LRRC40: variants seen among roughly 807,000 people sequenced by gnomAD.
LRRC40 encodes the protein leucine-rich repeat-containing protein 40.
LRRC40 carries 76 observed loss-of-function variants against 72.8 expected under a neutral mutation model. The observed-to-expected ratio is 1.04, with a 90% CI of 0.87 to 1.26. The LOEUF (loss-of-function observed/expected upper bound fraction) is 1.26, where lower values mean the gene tolerates loss of function less well. Among genes scored for constraint, LRRC40 ranks in the 50% most tolerant of loss-of-function variants. LRRC40 has a pLI of 0.00. For synonymous variants in LRRC40, 243 were observed against 254.2 expected (o/e 0.96, Z 0.42); for missense variants, 684 against 698.9 (o/e 0.98, Z 0.24).
At chr1:70,195,403 A>G (rs1417535314) in intron 1 of LRRC40, among the ~76,000 whole-genome samples, 1 of 152,020 alleles carries the variant, frequency 6.6e-6, no homozygotes, top group Non-Finnish European at 1.5e-5. Flanking sequence ...TGGAACAAAC[A>G]CTTAACAGAA....
At chr1:70,201,292 T>C (rs943735210) in intron 1 of LRRC40, among the ~76,000 whole-genome samples, 4 of 152,236 alleles carry the variant, frequency 2.6e-5, no homozygotes, top group Middle Eastern at 3.4e-3. Context: ...AAATACAACA[T>C]GCAAGGAATC....
At chr1:70,169,872 C>T (rs1404759017) in intron 9 of LRRC40, among the ~76,000 whole-genome samples, 3 of 152,114 alleles carry the variant, frequency 2.0e-5, no homozygotes, top group Admixed American at 2.0e-4. Context: ...AACAACTCTT[C>T]ATAAATTCAC....
chr1:70,173,119 T>C (rs1358691004), intron 9 of LRRC40, among the ~76,000 whole-genome samples: 1 of 152,070 alleles, frequency 6.6e-6, no homozygotes, highest in Admixed American at 6.6e-5. Context: ...TACTTGTCAA[T>C]ATACTTTCTA....
At chr1:70,157,764 C>A (rs1002537529) in intron 10 of LRRC40, among the ~76,000 whole-genome samples, 6 of 152,034 alleles carry the variant, frequency 3.9e-5, no homozygotes, top group South Asian at 4.1e-4. Flanking sequence ...TTAGTAGACT[C>A]CAAAAATATC....
intron 9 of LRRC40, among the ~76,000 whole-genome samples, chr1:70,167,230 TAAAA>T (rs376215808): frequency 6.3e-5 from 8 of 126,938 alleles, no homozygotes; most frequent in Non-Finnish European, 1.2e-4. Context: ...TAAAAAGTGT[TAAAA>T]AAAAAAAAAA....
intron 14 of LRRC40, among the ~76,000 whole-genome samples, chr1:70,146,753 T>G (rs1219856578): frequency 6.6e-6 from 1 of 152,140 alleles, no homozygotes; most frequent in East Asian, 1.9e-4. Flanking sequence ...CCCAAAACAT[T>G]AACACATTCT....
intron 6 of LRRC40, among the ~76,000 whole-genome samples, chr1:70,178,359 T>G (rs1668156394): frequency 6.6e-6 from 1 of 152,194 alleles, no homozygotes; most frequent in African/African-American, 2.4e-5. Context: ...CTGTTTAAAA[T>G]AAACTCTTTT....
In LRRC40 at chr1:70,181,224, A is replaced by G. The variant is rs199941552; in HGVS notation, c.538-15T>C. 11 of 1,475,172 alleles carry G rather than the reference A, an allele frequency of 7.5e-6. No homozygotes were observed. Among genetic ancestry groups the G allele is most frequent in the Non-Finnish European group, 1.0e-5 (11 of 1,098,930 alleles). 91.4% of individuals were successfully genotyped at this position (1,475,172 alleles called of 1,614,324 possible). ...TTTGAAAGATCCTTTAAAAAGAGAA[A>G]GACAAAATAAATGAATAAACAAGTA... On this transcript the variant is annotated splice_polypyrimidine_tract_variant and intron_variant, in intron 4 of 14. Coordinates refer to ENST00000370952, the MANE Select transcript of LRRC40 (RefSeq NM_017768.5).
At chr1:70,150,818 TTAAAG>T (rs1667462532) in intron 13 of LRRC40, among the ~76,000 whole-genome samples, 1 of 152,160 alleles carries the variant, frequency 6.6e-6, no homozygotes. Flanking sequence ...CTCCTCTACC[TTAAAG>T]TAATCTCAGA....
intron 1 of LRRC40, among the ~76,000 whole-genome samples, chr1:70,196,704 A>G (rs1235879798): frequency 2.0e-5 from 3 of 152,238 alleles, no homozygotes; most frequent in African/African-American, 7.2e-5. Context: ...ATCTACATTG[A>G]CAAAAAGCAG....
chr1:70,187,372 T>C lies in LRRC40; in HGVS notation c.334-34A>G, dbSNP rs774009456. On this transcript the variant is annotated intron_variant, in intron 2 of 14. Coordinates refer to ENST00000370952, the MANE Select transcript of LRRC40 (RefSeq NM_017768.5). Reference sequence around the variant, plus strand: ...TTTTAAAAGACAAAGTCAATATTCTTAGTCTTATCATTAACAATATATAAG... The same window carrying C: ...TTTTAAAAGACAAAGTCAATATTCTCAGTCTTATCATTAACAATATATAAG... 9 of 1,030,908 alleles carry C rather than the reference T, an allele frequency of 8.7e-6. No homozygotes were observed. In the Admixed American group the frequency reaches 1.6e-4, roughly 18 times the overall value. The allele number at this position is 1,030,908 out of a possible 1,614,324, so 63.9% of individuals were successfully genotyped here. A position where few individuals can be genotyped will look rare whatever the true frequency, so the allele number is the denominator to read the frequency against.
chr1:70,180,293 T>G lies in LRRC40; in HGVS notation c.661+793A>C, dbSNP rs1021411338. The G allele has an allele frequency of 2.6e-5, 4 of 152,154 alleles. No homozygotes were observed. In the East Asian group the frequency reaches 7.7e-4, roughly 29 times the overall value. 9.4% of individuals were successfully genotyped at this position (152,154 alleles called of 1,614,324 possible). A position where few individuals can be genotyped will look rare whatever the true frequency, so the allele number is the denominator to read the frequency against. On this transcript the variant is annotated intron_variant, in intron 5 of 14. Coordinates refer to ENST00000370952, the MANE Select transcript of LRRC40 (RefSeq NM_017768.5). ...CTTAGGCAACCTGGTGGTCCCCCAC[T>G]ATGGGAGGTCACCATGATGCTGCTG...
At chr1:70,163,731 T>C (rs552224371) in intron 9 of LRRC40, among the ~76,000 whole-genome samples, 10 of 152,276 alleles carry the variant, frequency 6.6e-5, no homozygotes, top group African/African-American at 9.6e-5. Flanking sequence ...AAAGGTAGCA[T>C]AGCTAGATGA....
intron 9 of LRRC40, among the ~76,000 whole-genome samples, chr1:70,169,189 A>G (rs188380145): frequency 1.5e-4 from 23 of 152,286 alleles, no homozygotes; most frequent in Admixed American, 1.2e-3. Context: ...CAGCCCCAGC[A>G]GCAAGACCTC....
chr1:70,180,737 T>C (rs1209006209), intron 5 of LRRC40, among the ~76,000 whole-genome samples: 4 of 152,168 alleles, frequency 2.6e-5, no homozygotes, highest in Non-Finnish European at 4.4e-5. Context: ...GCTACAGCTA[T>C]AATACAACTA....
At chr1:70,199,814 C>G (rs1668698196) in intron 1 of LRRC40, among the ~76,000 whole-genome samples, 1 of 152,064 alleles carries the variant, frequency 6.6e-6, no homozygotes, top group Non-Finnish European at 1.5e-5. Flanking sequence ...GGATTTTTGA[C>G]TGCACAAGGG....
At chr1:70,198,441 C>T (rs1323776459) in intron 1 of LRRC40, among the ~76,000 whole-genome samples, 1 of 152,114 alleles carries the variant, frequency 6.6e-6, no homozygotes, top group Non-Finnish European at 1.5e-5. Flanking sequence ...ACTGTTCTAC[C>T]ATGGTCATGC....
intron 9 of LRRC40, among the ~76,000 whole-genome samples, chr1:70,161,780 A>G (rs1265503431): frequency 3.9e-5 from 6 of 152,196 alleles, no homozygotes; most frequent in Non-Finnish European, 8.8e-5. Context: ...GTAAAAAACT[A>G]GAGTCCATTT....
intron 2 of LRRC40, among the ~76,000 whole-genome samples, chr1:70,188,272 A>G (rs1173269671): frequency 6.6e-6 from 1 of 152,194 alleles, no homozygotes; most frequent in Non-Finnish European, 1.5e-5. Context: ...ATTATGAAAT[A>G]TACTCCTTGT....
Sources: allele counts gnomAD v4.1 joint callset (sites outside exome capture counted in the v4.1 genomes callset), GRCh38; gene constraint gnomAD v4.1.1; transcripts MANE v1.5; gene names NCBI Gene and HGNC (gene_info 2026-07-23, HGNC 2026-07-21).